The following ZBTB20 variants were observed in gnomAD, a reference collection of about 807,000 sequenced individuals.
The protein encoded by ZBTB20 is zinc finger and BTB domain containing 20.
Under a neutral mutation model 56.9 loss-of-function variants are expected in ZBTB20, and 9 were observed. The ratio of observed to expected loss-of-function variants is 0.16; its 90% CI spans 0.10 to 0.28. The LOEUF (loss-of-function observed/expected upper bound fraction) is 0.28, where lower values mean the gene tolerates loss of function less well. Among genes scored for constraint, ZBTB20 ranks in the 10% least tolerant of loss-of-function variants. ZBTB20 has a pLI of 1.00. For synonymous variants in ZBTB20, 417 were observed against 420.7 expected (o/e 0.99, Z 0.11); for missense variants, 655 against 1,003.0 (o/e 0.65, Z 4.69).
chr3:115,141,498 G>A (rs2084810222), intron 1 of ZBTB20, among the ~76,000 whole-genome samples: 1 of 152,124 alleles, frequency 6.6e-6, no homozygotes, highest in African/African-American at 2.4e-5. Flanking sequence ...TTATATGAAA[G>A]CAAAATCAAA....
rs117708566 is a variant in ZBTB20, at chr3:114,976,169, T to C, written c.-506-1753A>G. ...ATAAACAAATAAACTGTTAGACTTA[T>C]AATGTCATATAATTAGTACTATGAA... is the stretch of plus-strand genomic sequence containing the variant. On this transcript the variant is annotated intron_variant, in intron 2 of 11. Coordinates refer to ENST00000675478, the MANE Select transcript of ZBTB20 (RefSeq NM_001348800.3). Among the ~76,000 whole-genome samples, 95 of 152,340 alleles carry C rather than the reference T, an allele frequency of 6.2e-4. 2 individuals are homozygous for C. In the East Asian group the frequency reaches 0.017, roughly 28 times the overall value.
chr3:114,743,109 A>AAG (rs1459482437), intron 5 of ZBTB20, among the ~76,000 whole-genome samples: 3 of 152,168 alleles, frequency 2.0e-5, no homozygotes, highest in Non-Finnish European at 4.4e-5. Context: ...AAGTCCATCA[A>AAG]AGAGAAACCT....
chr3:115,002,039 A>G (rs1278448061), intron 2 of ZBTB20, among the ~76,000 whole-genome samples: 1 of 151,552 alleles, frequency 6.6e-6, no homozygotes, highest in Admixed American at 6.6e-5. Context: ...GCAAACATAC[A>G]ACTTAGATCA....
At chr3:115,138,392 A>T (rs548142479) in intron 1 of ZBTB20, among the ~76,000 whole-genome samples, 4 of 152,206 alleles carry the variant, frequency 2.6e-5, no homozygotes, top group East Asian at 1.9e-4. Context: ...GTTATATTTT[A>T]AAAAGATTCT....
chr3:114,989,936 T>C (rs1031540823), intron 2 of ZBTB20, among the ~76,000 whole-genome samples: 19 of 152,196 alleles, frequency 1.2e-4, no homozygotes, highest in Admixed American at 1.1e-3. Flanking sequence ...TGTTCGTGAT[T>C]TTTGCACATT....
chr3:114,411,619 G>T (rs963396059), intron 7 of ZBTB20, among the ~76,000 whole-genome samples: 1 of 152,032 alleles, frequency 6.6e-6, no homozygotes, highest in African/African-American at 2.4e-5. Flanking sequence ...GAAAGGCAGG[G>T]GTGTAATGGA....
intron 4 of ZBTB20, among the ~76,000 whole-genome samples, chr3:114,885,421 T>C (rs2076564628): frequency 9.8e-6 from 1 of 102,064 alleles, no homozygotes; most frequent in Non-Finnish European, 2.4e-5. Context: ...TGTAGTTGTA[T>C]GTTAATTTGT....
chr3:114,589,590 G>A (rs552376116), intron 6 of ZBTB20, among the ~76,000 whole-genome samples: 1 of 152,232 alleles, frequency 6.6e-6, no homozygotes, highest in Admixed American at 6.5e-5. Context: ...GACAGTGAAA[G>A]GGCCTTATAA....
intron 4 of ZBTB20, among the ~76,000 whole-genome samples, chr3:114,888,658 A>G (rs566260051): frequency 6.6e-6 from 1 of 152,318 alleles, no homozygotes; most frequent in East Asian, 1.9e-4. Flanking sequence ...ATTTTGGTCT[A>G]GAGTATATAC....
chr3:114,967,768 C>T (rs1254517421), intron 3 of ZBTB20, among the ~76,000 whole-genome samples: 7 of 151,938 alleles, frequency 4.6e-5, no homozygotes, highest in Non-Finnish European at 7.4e-5. Flanking sequence ...ACCAGCCTGG[C>T]CAATGTGGTG....
intron 7 of ZBTB20, among the ~76,000 whole-genome samples, chr3:114,492,188 G>A (rs903941222): frequency 6.6e-6 from 1 of 152,000 alleles, no homozygotes; most frequent in Non-Finnish European, 1.5e-5. Flanking sequence ...CCTGTCCCTA[G>A]GCAATGTTAT....
At chr3:114,938,272 G>A (rs750677359) in intron 3 of ZBTB20, among the ~76,000 whole-genome samples, 1 of 146,308 alleles carries the variant, frequency 6.8e-6, no homozygotes, top group Non-Finnish European at 1.5e-5. Flanking sequence ...AAACTCTTTA[G>A]TTTAATTAGA....
At chr3:115,121,370 T>C (rs1351275311) in intron 1 of ZBTB20, among the ~76,000 whole-genome samples, 1 of 151,852 alleles carries the variant, frequency 6.6e-6, no homozygotes, top group Non-Finnish European at 1.5e-5. Context: ...CTAACATCCT[T>C]TTTTTTTCTG....
intron 5 of ZBTB20, among the ~76,000 whole-genome samples, chr3:114,733,937 C>T (rs985962288): frequency 1.3e-5 from 2 of 152,144 alleles, no homozygotes; most frequent in African/African-American, 4.8e-5. Context: ...AAAACAAAGT[C>T]CTTTTCCTTC....
At chr3:114,843,310 T>C (rs966542908) in intron 4 of ZBTB20, among the ~76,000 whole-genome samples, 2 of 152,082 alleles carry the variant, frequency 1.3e-5, no homozygotes, top group Non-Finnish European at 2.9e-5. Flanking sequence ...TTAATCTATC[T>C]CCCCCTGAGT....
intron 4 of ZBTB20, among the ~76,000 whole-genome samples, chr3:114,895,690 T>C (rs1439606428): frequency 1.3e-5 from 2 of 151,866 alleles, no homozygotes; most frequent in Non-Finnish European, 2.9e-5. Context: ...TTATATTTTG[T>C]CAAGAGAAGA....
intron 2 of ZBTB20, among the ~76,000 whole-genome samples, chr3:115,070,925 G>A (rs1430842985): frequency 1.3e-5 from 2 of 151,426 alleles, no homozygotes; most frequent in African/African-American, 4.9e-5. Flanking sequence ...TTCAGGTTCG[G>A]GCAGTTACTA....
At chr3:114,762,066 G>T (rs771600386) in intron 5 of ZBTB20, among the ~76,000 whole-genome samples, 2 of 152,102 alleles carry the variant, frequency 1.3e-5, no homozygotes, top group African/African-American at 4.8e-5. Flanking sequence ...TTGGTAGTCT[G>T]GGAGGGTTTT....
chr3:114,359,354 T>C (rs1229506012), intron 10 of ZBTB20: 1 of 152,168 alleles, frequency 6.6e-6, no homozygotes, highest in Non-Finnish European at 1.5e-5. Context: ...TACAGTACAG[T>C]TTGTGAAAAT....
Sources: allele counts gnomAD v4.1 joint callset (sites outside exome capture counted in the v4.1 genomes callset), GRCh38; gene constraint gnomAD v4.1.1; transcripts MANE v1.5; gene names NCBI Gene and HGNC (gene_info 2026-07-23, HGNC 2026-07-21).